The following ATG4B variants were observed in gnomAD, a reference collection of about 807,000 sequenced individuals.
ATG4B encodes autophagy related 4B cysteine peptidase, also known as cysteine protease ATG4B.
Under a neutral mutation model 56.6 loss-of-function variants are expected in ATG4B, and 29 were observed. The observed-to-expected ratio is 0.51, with a 90% confidence interval of 0.38 to 0.70. The LOEUF (loss-of-function observed/expected upper bound fraction) is 0.70, where lower values mean the gene tolerates loss of function less well. Ranked by LOEUF, ATG4B falls within the 30% of genes least tolerant of loss-of-function variation. ATG4B has a pLI of 0.00. For synonymous variants in ATG4B, 224 were observed against 206.1 expected (o/e 1.09, Z -0.74); for missense variants, 461 against 515.5 (o/e 0.89, Z 1.02).
At chr2:241,669,600 C>T (rs974986404) in intron 10 of ATG4B, among the ~76,000 whole-genome samples, 2 of 152,216 alleles carry the variant, frequency 1.3e-5, no homozygotes, top group African/African-American at 4.8e-5. Context: ...CTCCGCCTCC[C>T]AGGTTCACGC....
intron 8 of ATG4B, chr2:241,667,931 CCTGAG>C: frequency 1.8e-6 from 1 of 558,370 alleles, no homozygotes; most frequent in Non-Finnish European, 3.2e-6. Flanking sequence ...ATGAAGCTTC[CCTGAG>C]CTGAGCCTGC....
At chr2:241,663,566 C>A (rs1308123738) in intron 7 of ATG4B, among the ~76,000 whole-genome samples, 1 of 152,098 alleles carries the variant, frequency 6.6e-6, no homozygotes, top group East Asian at 1.9e-4. Flanking sequence ...TATATGGGTT[C>A]TTTACAAAGT....
At chr2:241,646,512 G>A (rs2068063861) in intron 1 of ATG4B, among the ~76,000 whole-genome samples, 1 of 152,168 alleles carries the variant, frequency 6.6e-6, no homozygotes, top group Non-Finnish European at 1.5e-5. Context: ...CTTTACGATA[G>A]TGTGAAAGCA....
intron 10 of ATG4B, 197 bp from the exon 11 acceptor site, chr2:241,670,529 G>GC: frequency 1.6e-6 from 1 of 616,162 alleles, no homozygotes; most frequent in Non-Finnish European, 2.9e-6. Flanking sequence ...GGGGAGCCGG[G>GC]CACTGGTGCA....
intron 7 of ATG4B, among the ~76,000 whole-genome samples, chr2:241,662,223 C>T (rs2068612344): frequency 6.6e-6 from 1 of 152,100 alleles, no homozygotes. Flanking sequence ...TTCCAAATTG[C>T]AGAAGTAAAG....
intron 4 of ATG4B, among the ~76,000 whole-genome samples, 184 bp from the exon 5 acceptor site, chr2:241,654,362 A>C (rs2068323922): frequency 6.7e-6 from 1 of 148,222 alleles, no homozygotes; most frequent in African/African-American, 2.5e-5. Context: ...TGGAGGTTGC[A>C]GTGAGCCGAG....
At chr2:241,649,817 CT>C (rs2068176118) in intron 1 of ATG4B, among the ~76,000 whole-genome samples, 2 of 134,340 alleles carry the variant, frequency 1.5e-5, no homozygotes, top group African/African-American at 2.8e-5. Context: ...GAGTTTCACT[CT>C]TGTCACCCAG....
At chr2:241,642,426 T>C (rs1472915454) in intron 1 of ATG4B, among the ~76,000 whole-genome samples, 3 of 152,186 alleles carry the variant, frequency 2.0e-5, no homozygotes, top group East Asian at 1.9e-4. Flanking sequence ...CAAACTGTTA[T>C]CTTAAACCTA....
At position 241,671,100 on chromosome 2, in the gene ATG4B, C is replaced by T. The variant is rs557527557; in HGVS notation, c.1015-212C>T. 7.9e-5 allele frequency among the ~76,000 whole-genome samples: 12 copies of T among 152,312 alleles called. No individual in the cohort carries two copies. The East Asian group carries it at 2.1e-3, about 27-fold the overall frequency. On this transcript the variant is annotated intron_variant, in intron 11 of 12. Coordinates refer to ENST00000404914, the MANE Select transcript of ATG4B (RefSeq NM_013325.5). ...GCTACGCCGGCCGAGTGCGTGTGGCCCACCCCCCTCTGCCGTGGTGGTCAG... is the reference window on the plus strand; with the variant it reads ...GCTACGCCGGCCGAGTGCGTGTGGCTCACCCCCCTCTGCCGTGGTGGTCAG...
chr2:241,671,856 C>T, intron 12 of ATG4B: 2 of 1,294,906 alleles, frequency 1.5e-6, no homozygotes, highest in Non-Finnish European at 2.0e-6. Flanking sequence ...TCCTCCTCAT[C>T]TCTGTCTCCC....
At chr2:241,659,214 A>G (rs773039146) in intron 7 of ATG4B, 27 bp downstream of exon 7, 1 of 1,600,184 alleles carries the variant, frequency 6.2e-7, no homozygotes, top group South Asian at 1.1e-5. Context: ...TTCCATGGAC[A>G]AGAAAGTTGA....
At chr2:241,654,809 C>T in intron 5 of ATG4B, 162 bp downstream of exon 5, 3 of 632,340 alleles carry the variant, frequency 4.7e-6, no homozygotes, top group East Asian at 2.8e-5. Flanking sequence ...TGTCACATCA[C>T]CCCCGTGTCA....
Position 241,672,059 on chromosome 2 carries a change from C to T in ATG4B, c.1109-132C>T, listed in dbSNP as rs2068995498. The T allele has an allele frequency of 3.4e-6, 5 of 1,471,356 alleles. No individual in the cohort carries two copies. The East Asian group carries it at 1.0e-4, about 29-fold the overall frequency. 91.1% of individuals were successfully genotyped at this position (1,471,356 alleles called of 1,614,324 possible). A position where few individuals can be genotyped will look rare whatever the true frequency, so the allele number is the denominator to read the frequency against. ...TCTGCACAACCCCCGGACCTGTTCA[C>T]ACCCGCATGGGGACAGCTGTCTGTG... On this transcript the variant is annotated intron_variant, in intron 12 of 12. Coordinates refer to ENST00000404914, the MANE Select transcript of ATG4B (RefSeq NM_013325.5).
chr2:241,672,003 C>G, intron 12 of ATG4B, 188 bp from the exon 13 acceptor site: 5 of 1,423,136 alleles, frequency 3.5e-6, no homozygotes, highest in Non-Finnish European at 4.6e-6. Context: ...CCCTGCTCCT[C>G]TTCTCTGCTC....
At position 241,671,321 on chromosome 2, in the gene ATG4B, C is replaced by A. The variant is rs1413080939; in HGVS notation, c.1024C>A (p.Leu342Ile). Residue 342 changes from leucine to isoleucine, a missense_variant, in exon 12 of 13, where the codon CTT becomes ATT. Transcript: ENST00000404914. ...WCQQVKKLSL[L>I]GGALPMFELV... ...CATGTCTCACTAACAGCTGTCTCTG[C>A]TTGGAGGTGCCCTGCCCATGTTTGA... 1.2e-6 allele frequency: 2 copies of A among 1,613,084 alleles called. No homozygotes were observed. The highest frequency in any genetic ancestry group is 2.2e-5 in the South Asian group (2 of 90,794).
Position 241,637,694 on chromosome 2 carries a change from G to A in ATG4B, c.-21G>A, listed in dbSNP as rs1448491994. On this transcript the variant is annotated 5_prime_UTR_variant, in exon 1 of 13. Coordinates refer to ENST00000404914, the MANE Select transcript of ATG4B (RefSeq NM_013325.5). The stretch of plus-strand genomic sequence containing the variant: ...CGTCGGAGCGACGCCGCTCGGGTCA[G>A]TCGGCGGCCGGACTGGGAAGATGGA... The A allele has an allele frequency of 3.2e-6, 5 of 1,584,100 alleles. No individual in the cohort carries two copies. Among genetic ancestry groups the A allele is most frequent in the Admixed American group, 1.8e-5 (1 of 56,688 alleles).
chr2:241,644,616 C>T (rs747225601), intron 1 of ATG4B, among the ~76,000 whole-genome samples: 4 of 152,076 alleles, frequency 2.6e-5, no homozygotes, highest in East Asian at 1.9e-4. Context: ...CTGTAGCTAT[C>T]GAGCAGGCTG....
intron 7 of ATG4B, among the ~76,000 whole-genome samples, chr2:241,660,785 C>T (rs1302510081): frequency 1.3e-5 from 2 of 152,128 alleles, no homozygotes; most frequent in Non-Finnish European, 2.9e-5. Context: ...ACTATTATAC[C>T]TTAGTTCCCT....
chr2:241,652,881 G>A (rs2068264980), intron 3 of ATG4B, among the ~76,000 whole-genome samples: 1 of 152,234 alleles, frequency 6.6e-6, no homozygotes, highest in Non-Finnish European at 1.5e-5. Context: ...ACCCTGGTGT[G>A]CAGCCACCTA....
Sources: gnomAD v4.1 joint callset for allele counts (sites outside exome capture counted in the v4.1 genomes callset) on GRCh38, gnomAD v4.1.1 for gene constraint, MANE v1.5 for transcripts, NCBI Gene and HGNC (gene_info 2026-07-23, HGNC 2026-07-21) for gene names.